The following KIAA1549 variants were observed in gnomAD, a reference collection of about 807,000 sequenced individuals.
KIAA1549 encodes KIAA1549, also known as UPF0606 protein KIAA1549.
A neutral mutation model predicts 156.4 loss-of-function variants in KIAA1549; 70 were observed. The observed-to-expected ratio is 0.45, with a 90% CI of 0.37 to 0.55. The LOEUF is 0.55. Ranked by LOEUF, KIAA1549 falls within the 20% of genes least tolerant of loss-of-function variation. The pLI is 0.00. For missense variants in KIAA1549, 2,428 were observed against 2,540.9 expected (o/e 0.96, Z 0.96); for synonymous variants, 1,103 against 1,066.4 (o/e 1.03, Z -0.67).
intron 2 of KIAA1549, among the ~76,000 whole-genome samples, chr7:138,915,525 T>C (rs892786951): frequency 6.6e-6 from 1 of 152,026 alleles, no homozygotes; most frequent in Non-Finnish European, 1.5e-5. Flanking sequence ...GACGTGTACC[T>C]GCCATCAGGA....
At chr7:138,906,873 A>C (rs766258791) in intron 6 of KIAA1549, 46 bp downstream of exon 6, 1 of 1,340,556 alleles carries the variant, frequency 7.5e-7, no homozygotes, top group Non-Finnish European at 9.8e-7. Context: ...TCCACCAAAA[A>C]TGCCCGCCAT....
chr7:138,919,285 G>A lies in KIAA1549; in HGVS notation c.341C>T (p.Ser114Phe). 6.2e-7 allele frequency: 1 copy of A among 1,614,050 alleles called. No homozygotes were observed. The highest frequency in any genetic ancestry group is 8.5e-7 in the Non-Finnish European group (1 of 1,179,908). The change falls in exon 2 of 20, where the codon TCT becomes TTT. Residue 114 changes from serine to phenylalanine, a missense_variant. Around this residue, in one of 5 missense-constraint regions of KIAA1549, gnomAD observed 893 missense variants for 847.9 expected, o/e 1.05. Coordinates refer to ENST00000422774, the MANE Select transcript of KIAA1549 (RefSeq NM_001164665.2). ...AAAGGCTGTATCAAAAGTAGTGGCA[G>A]ACGGCGGGGCTGTGACATGGAGAGG... ...SSPLHVTAPPSATTFDTAFFN... is the reference protein window; with the variant it reads ...SSPLHVTAPPFATTFDTAFFN...
chr7:138,845,012 A>G (rs1361220653), intron 17 of KIAA1549, among the ~76,000 whole-genome samples: 1 of 152,150 alleles, frequency 6.6e-6, no homozygotes, highest in Non-Finnish European at 1.5e-5. Flanking sequence ...GCTGAAAACC[A>G]GTGTTCTAAA....
chr7:138,951,018 G>A (rs551654875), intron 1 of KIAA1549, among the ~76,000 whole-genome samples: 86 of 151,798 alleles, frequency 5.7e-4, no homozygotes, highest in African/African-American at 1.6e-3. Context: ...GGTCAGGCCC[G>A]CCCTAACCCT....
chr7:138,849,344 TG>T (rs1563048284), intron 17 of KIAA1549, among the ~76,000 whole-genome samples: 1 of 152,126 alleles, frequency 6.6e-6, no homozygotes, highest in East Asian at 1.9e-4. Flanking sequence ...CTTAGATCAC[TG>T]ATTTTTCAGC....
At position 138,840,211 on chromosome 7, in the gene KIAA1549, G is replaced by A; in HGVS notation, c.5520C>T (p.Ile1840=). ...ASRIGAQPVE[I]PPSRGSQYGG... Reference sequence around the variant, plus strand: ...CATACTGGCTGCCTCTGCTTGGCGGGATTTCCACTGGCTGAGCTCCAATTC... The same window carrying A: ...CATACTGGCTGCCTCTGCTTGGCGGAATTTCCACTGGCTGAGCTCCAATTC... Residue 1840 remains isoleucine (I), a synonymous_variant, in exon 19 of 20, where the codon ATC becomes ATT. Coordinates refer to ENST00000422774, the MANE Select transcript of KIAA1549 (RefSeq NM_001164665.2). 1 of 1,579,124 alleles carries A rather than the reference G, an allele frequency of 6.3e-7. No individual in the cohort carries two copies. The highest frequency in any genetic ancestry group is 1.2e-5 in the South Asian group (1 of 85,888).
chr7:138,879,350 G>T (rs6958680), intron 12 of KIAA1549, among the ~76,000 whole-genome samples, 188 bp downstream of exon 12: 15,816 of 152,166 alleles, frequency 0.1, 1,000 homozygotes, highest in East Asian at 0.22. Context: ...GTGAATCCCT[G>T]GCCCCAAAGC....
chr7:138,880,432 C>T (rs987384671), intron 11 of KIAA1549, among the ~76,000 whole-genome samples: 1 of 152,242 alleles, frequency 6.6e-6, no homozygotes, highest in Non-Finnish European at 1.5e-5. Context: ...CTCTACATAA[C>T]TCATTTTCTT....
intron 10 of KIAA1549, 54 bp from the exon 11 acceptor site, chr7:138,881,638 G>T: frequency 6.7e-7 from 1 of 1,494,072 alleles, no homozygotes; most frequent in Non-Finnish European, 9.1e-7. Flanking sequence ...CAAGGCTGAT[G>T]AGAGGAGCAC....
chr7:138,910,119 T>C (rs1267115770), intron 4 of KIAA1549, among the ~76,000 whole-genome samples: 2 of 152,190 alleles, frequency 1.3e-5, no homozygotes. Flanking sequence ...GGGGTGTGGC[T>C]ATAACAAGAC....
intron 6 of KIAA1549, among the ~76,000 whole-genome samples, chr7:138,905,840 A>G (rs1367107974): frequency 6.6e-6 from 1 of 152,186 alleles, no homozygotes; most frequent in East Asian, 1.9e-4. Context: ...TACACAGTAA[A>G]TGTCACTCTT....
intron 1 of KIAA1549, among the ~76,000 whole-genome samples, chr7:138,954,446 G>A (rs980865493): frequency 6.6e-6 from 1 of 152,162 alleles, no homozygotes; most frequent in Non-Finnish European, 1.5e-5. Flanking sequence ...GCCAAACTAA[G>A]CAGTGTGGAT....
rs531461090 is a variant in KIAA1549, at chr7:138,915,777, C to T, written c.2878+971G>A. Among the ~76,000 whole-genome samples, 134 of 152,338 alleles carry T rather than the reference C, an allele frequency of 8.8e-4. 1 individual carries two copies. The highest frequency in any genetic ancestry group is 3.0e-3 in the African/African-American group (126 of 41,576). On this transcript the variant is annotated intron_variant, in intron 2 of 19. Coordinates refer to ENST00000422774, the MANE Select transcript of KIAA1549 (RefSeq NM_001164665.2). ...CAAAATCAAAACAGAGGACAGGCTG[C>T]TCGTCACCACCAGGCTGTGGTTCAG...
At chr7:138,927,605 T>C (rs544585434) in intron 1 of KIAA1549, among the ~76,000 whole-genome samples, 4 of 152,254 alleles carry the variant, frequency 2.6e-5, no homozygotes, top group Non-Finnish European at 5.9e-5. Flanking sequence ...GCCACTGCAC[T>C]CCAGCCTGGC....
intron 16 of KIAA1549, among the ~76,000 whole-genome samples, chr7:138,852,656 T>TAGCACA (rs1446461340): frequency 6.6e-6 from 1 of 152,180 alleles, no homozygotes; most frequent in Admixed American, 6.5e-5. Context: ...TGCCCACAAT[T>TAGCACA]AGCACAAGTG....
intron 12 of KIAA1549, among the ~76,000 whole-genome samples, chr7:138,877,245 G>A: frequency 6.6e-6 from 1 of 152,218 alleles, no homozygotes; most frequent in Non-Finnish European, 1.5e-5. Context: ...TGTAATCCCA[G>A]CACTTTGGGA....
rs763327649 is a variant in KIAA1549, at chr7:138,839,778, C to CTTTTTTTTTT, written c.5598+345_5598+354dup. Among the ~76,000 whole-genome samples, 10 of 61,362 alleles carry CTTTTTTTTTT rather than the reference C, an allele frequency of 1.6e-4. 1 individual carries two copies. Among genetic ancestry groups the CTTTTTTTTTT allele is most frequent in the African/African-American group, 3.9e-4 (6 of 15,446 alleles). 40.3% of individuals were successfully genotyped at this position (61,362 alleles called of 152,430 possible). ...AAGCTGCTAAATTGAGGGATTATGT[C>CTTTTTTTTTT]TTTTTTTTTTTTTTTTTTTTTTTTT... is the stretch of plus-strand genomic sequence containing the variant. On this transcript the variant is annotated intron_variant, in intron 19 of 19. Transcript: ENST00000422774.
chr7:138,856,020 T>C (rs998760844), intron 16 of KIAA1549, among the ~76,000 whole-genome samples: 1 of 151,534 alleles, frequency 6.6e-6, no homozygotes, highest in Admixed American at 6.6e-5. Context: ...TCATTTCTTT[T>C]TTTATTATTT....
rs1358348884 is a variant in KIAA1549 at position 138,831,520 on chromosome 7, T to C, written c.*6386A>G. ...GCACATTAGAAAACAGTGCAGCTAT[T>C]GAAGGATAGAAACATAAAACCGACA... On this transcript the variant is annotated 3_prime_UTR_variant, in exon 20 of 20. Transcript: ENST00000422774. 9.1e-6 allele frequency: 2 copies of C among 219,658 alleles called. No individual in the cohort carries two copies. Among genetic ancestry groups the C allele is most frequent in the African/African-American group, 2.2e-5 (1 of 44,592 alleles). 13.6% of individuals were successfully genotyped at this position (219,658 alleles called of 1,614,324 possible).
Sources: gnomAD v4.1 joint callset for allele counts (sites outside exome capture counted in the v4.1 genomes callset) on GRCh38, gnomAD v4.1.1 for gene constraint, gnomAD v4.1.1 regional missense constraint, MANE v1.5 for transcripts, NCBI Gene and HGNC (gene_info 2026-07-23, HGNC 2026-07-21) for gene names.